TYW1: variants seen among roughly 807,000 people sequenced by gnomAD.
The protein encoded by TYW1 is tRNA-yW synthesizing protein 1 homolog.
Under a neutral mutation model 96.2 loss-of-function variants are expected in TYW1, and 46 were observed. The observed-to-expected ratio is 0.48, with a 90% CI of 0.38 to 0.61. TYW1 has a LOEUF of 0.61. TYW1 is among the 20% of genes least tolerant of loss of function. The pLI is 0.00. For synonymous variants in TYW1, 274 were observed against 323.0 expected, an observed-to-expected ratio of 0.85 and a Z score of 1.63; for missense variants, 684 against 909.6, an observed-to-expected ratio of 0.75 and a Z score of 3.19.
At chr7:67,157,273 A>G (rs554913801) in intron 13 of TYW1, among the ~76,000 whole-genome samples, 26 of 152,264 alleles carry the variant, frequency 1.7e-4, no homozygotes, top group African/African-American at 5.8e-4. Flanking sequence ...GTTACAATTT[A>G]TGAACCAATA....
intron 9 of TYW1, among the ~76,000 whole-genome samples, chr7:67,056,854 G>C (rs13308153): frequency 1.3e-5 from 2 of 152,088 alleles, no homozygotes; most frequent in East Asian, 3.9e-4. Context: ...AAGAAACTCC[G>C]AAACTGTTGT....
chr7:67,115,701 G>C (rs1797572383), intron 12 of TYW1, among the ~76,000 whole-genome samples: 1 of 152,116 alleles, frequency 6.6e-6, no homozygotes, highest in Non-Finnish European at 1.5e-5. Context: ...AGAAAAACAG[G>C]ATTCTTGCTC....
chr7:67,104,961 G>T (rs1372627498), intron 12 of TYW1, among the ~76,000 whole-genome samples: 1 of 152,194 alleles, frequency 6.6e-6, no homozygotes, highest in Non-Finnish European at 1.5e-5. Flanking sequence ...TTGGTCTTGG[G>T]TGACTTTGCT....
At chr7:67,192,375 A>T (rs1232741878) in intron 14 of TYW1, among the ~76,000 whole-genome samples, 1 of 152,224 alleles carries the variant, frequency 6.6e-6, no homozygotes, top group Non-Finnish European at 1.5e-5. Flanking sequence ...GAGTAATAAA[A>T]TATTAAAATA....
chr7:67,224,110 C>T (rs1801480009), intron 15 of TYW1, among the ~76,000 whole-genome samples: 1 of 152,176 alleles, frequency 6.6e-6, no homozygotes, highest in South Asian at 2.1e-4. Context: ...TCCTTTTAAA[C>T]AAGTTGATAC....
At chr7:67,107,832 C>T (rs1229881662) in intron 12 of TYW1, among the ~76,000 whole-genome samples, 2 of 147,896 alleles carry the variant, frequency 1.4e-5, no homozygotes, top group Non-Finnish European at 3.0e-5. Flanking sequence ...TCCAAAAGTG[C>T]TGGGATTACA....
intron 13 of TYW1, among the ~76,000 whole-genome samples, chr7:67,177,801 C>T (rs535854746): frequency 2.0e-5 from 3 of 151,854 alleles, no homozygotes; most frequent in African/African-American, 7.3e-5. Context: ...ACATATCCCC[C>T]ATGACCCAGC....
chr7:67,193,191 G>A (rs141637774), intron 14 of TYW1, among the ~76,000 whole-genome samples: 3,390 of 152,142 alleles, frequency 0.022, 78 homozygotes, highest in Non-Finnish European at 0.027. Context: ...TTAGTCGTTG[G>A]TTTCTTTAAC....
At chr7:67,165,265 T>G (rs1214023971) in intron 13 of TYW1, among the ~76,000 whole-genome samples, 1 of 152,230 alleles carries the variant, frequency 6.6e-6, no homozygotes, top group Admixed American at 6.5e-5. Context: ...CAGCCTCAAC[T>G]AGAGTATGTG....
chr7:67,183,924 T>C (rs11772491), intron 14 of TYW1, among the ~76,000 whole-genome samples: 42,432 of 151,622 alleles, frequency 0.28, 6,394 homozygotes, highest in African/African-American at 0.4. Context: ...AACTCTTGGG[T>C]TCCAGTAGTC....
Position 67,095,201 on chromosome 7 carries a change from G to A in TYW1, c.1385-3340G>A, listed in dbSNP as rs182159505. Among the ~76,000 whole-genome samples the A allele has an allele frequency of 3.9e-5, 6 of 152,148 alleles. No individual in the cohort carries two copies. The Middle Eastern group carries it at 0.01, about 259-fold the overall frequency. Reference sequence around the variant, plus strand: ...TTTAGTAGAGATGAGGTTTTGCCATGTTGGCCGAGCTGGTCTTGAACTCCT... The same window carrying A: ...TTTAGTAGAGATGAGGTTTTGCCATATTGGCCGAGCTGGTCTTGAACTCCT... On this transcript the variant is annotated intron_variant, in intron 11 of 15. Transcript: ENST00000359626.
At chr7:67,013,016 G>A (rs1292548842) in intron 4 of TYW1, among the ~76,000 whole-genome samples, 1 of 151,956 alleles carries the variant, frequency 6.6e-6, no homozygotes, top group African/African-American at 2.4e-5. Flanking sequence ...GTTCTGTTTA[G>A]ATAATGGTGC....
chr7:67,148,361 A>T (rs1798673967), intron 13 of TYW1, among the ~76,000 whole-genome samples: 1 of 151,460 alleles, frequency 6.6e-6, no homozygotes, highest in African/African-American at 2.4e-5. Context: ...AAAAAAAAAA[A>T]TTAACATGAG....
chr7:67,063,208 A>G (rs1562992072), intron 9 of TYW1, among the ~76,000 whole-genome samples: 1 of 152,206 alleles, frequency 6.6e-6, no homozygotes, highest in Non-Finnish European at 1.5e-5. Flanking sequence ...AGTCATATCA[A>G]TTGATTCTGA....
intron 10 of TYW1, among the ~76,000 whole-genome samples, chr7:67,073,080 T>C (rs532841786): frequency 2.7e-4 from 41 of 151,500 alleles, no homozygotes; most frequent in African/African-American, 9.9e-4. Context: ...TACCATACCA[T>C]ATTCTTTTAC....
At chr7:67,105,740 T>TAA (rs1399251396) in intron 12 of TYW1, among the ~76,000 whole-genome samples, 1 of 152,074 alleles carries the variant, frequency 6.6e-6, no homozygotes, top group Non-Finnish European at 1.5e-5. Context: ...AAAAGTGAAA[T>TAA]AATGAAAGGT....
chr7:67,006,533 A>G (rs1274324751), intron 3 of TYW1, among the ~76,000 whole-genome samples: 1 of 130,790 alleles, frequency 7.6e-6, no homozygotes, highest in Non-Finnish European at 1.5e-5. Flanking sequence ...TCTGCCTCCC[A>G]GGCTCAAGCG....
chr7:67,051,422 C>G (rs1030910266), intron 8 of TYW1, among the ~76,000 whole-genome samples: 1 of 152,116 alleles, frequency 6.6e-6, no homozygotes, highest in Non-Finnish European at 1.5e-5. Context: ...ATCCTCCTGC[C>G]TCATCCCCCT....
At chr7:67,227,218 G>A (rs2116434946) in intron 15 of TYW1, among the ~76,000 whole-genome samples, 1 of 152,102 alleles carries the variant, frequency 6.6e-6, no homozygotes, top group South Asian at 2.1e-4. Context: ...GAGTACCTTT[G>A]TTTATTTGTA....
Sources: allele counts gnomAD v4.1 joint callset (sites outside exome capture counted in the v4.1 genomes callset), GRCh38; gene constraint gnomAD v4.1.1; transcripts MANE v1.5; gene names NCBI Gene and HGNC (gene_info 2026-07-23, HGNC 2026-07-21).